Variants in ZNF609 observed in about 807,000 individuals in gnomAD.
ZNF609 encodes zinc finger protein 609.
A neutral mutation model predicts 109.5 loss-of-function variants in ZNF609; 11 were observed. The ratio of observed to expected loss-of-function variants is 0.10; its 90% CI spans 0.06 to 0.17. The LOEUF (loss-of-function observed/expected upper bound fraction) is 0.17. ZNF609 is among the 10% of genes least tolerant of loss of function. The pLI is 1.00. For synonymous variants in ZNF609, 646 were observed against 662.0 expected, an observed-to-expected ratio of 0.98 and a Z score of 0.37; for missense variants, 1,559 against 1,772.4, an observed-to-expected ratio of 0.88 and a Z score of 2.16.
At chr15:64,528,902 A>G (rs1894012276) in intron 2 of ZNF609, 1 of 1,048,420 alleles carries the variant, frequency 9.5e-7, no homozygotes. Flanking sequence ...CACCTTCTTG[A>G]TGTCATCATA....
intron 3 of ZNF609, among the ~76,000 whole-genome samples, chr15:64,666,523 A>G (rs1047499648): frequency 2.6e-5 from 4 of 151,970 alleles, no homozygotes; most frequent in African/African-American, 4.8e-5. Context: ...TTATTTTTTG[A>G]GATGAAGCCT....
intron 2 of ZNF609, among the ~76,000 whole-genome samples, chr15:64,567,534 T>C (rs1008310287): frequency 6.6e-6 from 1 of 151,962 alleles, no homozygotes; most frequent in African/African-American, 2.4e-5. Context: ...TACTTGCAGA[T>C]GTTTTCTTGT....
At position 64,674,460 on chromosome 15, in the gene ZNF609, G is replaced by A. The variant is rs202044765; in HGVS notation, c.1606G>A (p.Gly536Arg). 3.7e-5 allele frequency: 60 copies of A among 1,614,060 alleles called. No individual in the cohort carries two copies. Among genetic ancestry groups the A allele is most frequent in the Non-Finnish European group, 4.7e-5 (56 of 1,180,042 alleles). ...KPEADGDSEY[G>R]EEPILHADLG... The stretch of plus-strand genomic sequence containing the variant: ...GGAAGCGGATGGGGACAGTGAGTAC[G>A]GAGAGGAACCTATTCTCCATGCAGA... The change falls in exon 5 of 10, where the codon GGA becomes AGA. Residue 536 changes from glycine to arginine, a missense_variant. Gly to Arg is a moderately radical substitution (Grantham distance 125). Coordinates refer to ENST00000326648, the MANE Select transcript of ZNF609 (RefSeq NM_015042.2).
intron 2 of ZNF609, among the ~76,000 whole-genome samples, chr15:64,515,460 G>A (rs1893792646): frequency 6.6e-6 from 1 of 152,204 alleles, no homozygotes; most frequent in Non-Finnish European, 1.5e-5. Context: ...CTGGGAAGCA[G>A]TTTGGCCAGG....
chr15:64,468,177 C>A (rs1893040618), intron 1 of ZNF609, among the ~76,000 whole-genome samples: 1 of 151,824 alleles, frequency 6.6e-6, no homozygotes, highest in African/African-American at 2.4e-5. Flanking sequence ...CCACCACACC[C>A]AGCTAATTTT....
At chr15:64,559,024 G>C (rs541284540) in intron 2 of ZNF609, among the ~76,000 whole-genome samples, 2 of 152,228 alleles carry the variant, frequency 1.3e-5, no homozygotes, top group African/African-American at 4.8e-5. Flanking sequence ...TTTAGTGTCT[G>C]AGAGATATCA....
At chr15:64,667,154 A>T (rs370172521) in intron 3 of ZNF609, among the ~76,000 whole-genome samples, 1 of 152,028 alleles carries the variant, frequency 6.6e-6, no homozygotes, top group East Asian at 1.9e-4. Flanking sequence ...AAACAAAAAA[A>T]CCCTGAGATT....
At chr15:64,509,700 T>C (rs1893690360) in intron 2 of ZNF609, among the ~76,000 whole-genome samples, 1 of 152,226 alleles carries the variant, frequency 6.6e-6, no homozygotes, top group Non-Finnish European at 1.5e-5. Context: ...TGATCTCAGG[T>C]TGAGAACCAT....
At chr15:64,620,984 T>G (rs1458904688) in intron 2 of ZNF609, among the ~76,000 whole-genome samples, 1 of 152,228 alleles carries the variant, frequency 6.6e-6, no homozygotes, top group African/African-American at 2.4e-5. Context: ...TACGGATACA[T>G]GTATGATCTT....
intron 1 of ZNF609, among the ~76,000 whole-genome samples, chr15:64,486,998 C>T (rs989859636): frequency 1.3e-5 from 2 of 151,950 alleles, no homozygotes; most frequent in African/African-American, 2.4e-5. Context: ...TTGGTTAGGT[C>T]GATATTCATT....
chr15:64,562,338 ATC>A, intron 2 of ZNF609, among the ~76,000 whole-genome samples: 1 of 152,208 alleles, frequency 6.6e-6, no homozygotes, highest in Non-Finnish European at 1.5e-5. Context: ...TCTCTTGATA[ATC>A]TCACAATAGC....
intron 4 of ZNF609, among the ~76,000 whole-genome samples, chr15:64,673,387 G>A (rs372779453): frequency 1.4e-4 from 22 of 152,316 alleles, no homozygotes; most frequent in East Asian, 1.3e-3. Context: ...ACCCCTAGGT[G>A]CAGATCTCCA....
At chr15:64,515,685 C>T (rs1893795606) in intron 2 of ZNF609, among the ~76,000 whole-genome samples, 1 of 152,042 alleles carries the variant, frequency 6.6e-6, no homozygotes, top group African/African-American at 2.4e-5. Flanking sequence ...ATCTGTAATC[C>T]CAGCACTTTG....
chr15:64,578,114 T>G (rs925604100), intron 2 of ZNF609, among the ~76,000 whole-genome samples: 1 of 152,000 alleles, frequency 6.6e-6, no homozygotes, highest in Non-Finnish European at 1.5e-5. Context: ...GATTGATAGA[T>G]TTTTACTAAA....
intron 9 of ZNF609, 149 bp from the exon 10 acceptor site, chr15:64,681,543 C>T: frequency 1.6e-6 from 1 of 620,842 alleles, no homozygotes; most frequent in Non-Finnish European, 2.9e-6. Flanking sequence ...TCCCGTGAAG[C>T]CATGTGCATC....
chr15:64,529,027 G>T (rs926567793), intron 2 of ZNF609: 1 of 1,492,528 alleles, frequency 6.7e-7, no homozygotes, highest in Non-Finnish European at 9.2e-7. Context: ...CTTACCCACA[G>T]GCTTGGCAGC....
chr15:64,669,741 C>T (rs1201559296), intron 3 of ZNF609, among the ~76,000 whole-genome samples: 1 of 152,066 alleles, frequency 6.6e-6, no homozygotes, highest in Non-Finnish European at 1.5e-5. Context: ...AATCTTGGCT[C>T]ACTGCAAACT....
At chr15:64,533,323 A>T (rs1374443804) in intron 2 of ZNF609, among the ~76,000 whole-genome samples, 1 of 152,128 alleles carries the variant, frequency 6.6e-6, no homozygotes, top group Non-Finnish European at 1.5e-5. Context: ...AAGTACTGGG[A>T]TTACAGGCAT....
At chr15:64,625,796 G>A (rs1895944654) in intron 3 of ZNF609, among the ~76,000 whole-genome samples, 1 of 149,268 alleles carries the variant, frequency 6.7e-6, no homozygotes, top group Non-Finnish European at 1.5e-5. Context: ...GGCTGAGGCA[G>A]GAGAATGGCG....
Sources: gnomAD v4.1 joint callset for allele counts (sites outside exome capture counted in the v4.1 genomes callset) on GRCh38, gnomAD v4.1.1 for gene constraint, MANE v1.5 for transcripts, NCBI Gene and HGNC (gene_info 2026-07-23, HGNC 2026-07-21) for gene names.